BHLHA15: variants seen among roughly 807,000 people sequenced by gnomAD.
BHLHA15 encodes the protein class A basic helix-loop-helix protein 15.
Under a neutral mutation model 10.4 loss-of-function variants are expected in BHLHA15, and 7 were observed. That is an observed-to-expected ratio of 0.67 (90% CI 0.38 to 1.26). The LOEUF is 1.26. Among genes scored for constraint, BHLHA15 ranks in the 50% most tolerant of loss-of-function variants. The pLI is 0.02. For synonymous variants in BHLHA15, 140 were observed against 131.5 expected, an observed-to-expected ratio of 1.06 and a Z score of -0.44; for missense variants, 289 against 287.4, an observed-to-expected ratio of 1.01 and a Z score of -0.04.
intron 1 of BHLHA15, 46 bp downstream of exon 1, chr7:98,211,544 C>T (rs1797904908): frequency 6.6e-6 from 1 of 150,762 alleles, no homozygotes; most frequent in South Asian, 2.1e-4. Context: ...GGGAGGGGAC[C>T]CAGGGGCAGG....
At chr7:98,211,872 G>C (rs1021763184) in intron 1 of BHLHA15, among the ~76,000 whole-genome samples, 2 of 152,144 alleles carry the variant, frequency 1.3e-5, no homozygotes, top group South Asian at 2.1e-4. Context: ...TGCCGCCTCC[G>C]GCAGAGGCGC....
At position 98,214,860 on chromosome 7, in the gene BHLHA15, A is replaced by T. The variant is rs1267812300; in HGVS notation, c.*1981A>T. On this transcript the variant is annotated 3_prime_UTR_variant, in exon 2 of 2. Transcript: ENST00000609256. ...CACCTGCACCTCCTCTGCTTCCTAG[A>T]GGGTGACCTGGGCCGAGCCGCCCAG... 1 of 152,366 alleles carries T rather than the reference A, an allele frequency of 6.6e-6. No individual in the cohort carries two copies. Among genetic ancestry groups the T allele is most frequent in the East Asian group, 1.9e-4 (1 of 5,180 alleles). 9.4% of individuals were successfully genotyped at this position (152,366 alleles called of 1,614,324 possible). A position where few individuals can be genotyped will look rare whatever the true frequency, so the allele number is the denominator to read the frequency against.
In BHLHA15 at chr7:98,214,275, T is replaced by C. The variant is rs77508059; in HGVS notation, c.*1396T>C. On this transcript the variant is annotated 3_prime_UTR_variant, in exon 2 of 2. Coordinates refer to ENST00000609256, the MANE Select transcript of BHLHA15 (RefSeq NM_177455.4). Reference sequence around the variant, plus strand: ...GCATTGGCAGCTTCAGGCCTAACTTTCCTGGTCAGGGCCCCTTAAGGTGGC... The same window carrying C: ...GCATTGGCAGCTTCAGGCCTAACTTCCCTGGTCAGGGCCCCTTAAGGTGGC... Among the ~76,000 whole-genome samples, 2 of 152,360 alleles carry C rather than the reference T, an allele frequency of 1.3e-5. No individual in the cohort carries two copies. The highest frequency in any genetic ancestry group is 3.9e-4 in the East Asian group (2 of 5,182).
Position 98,212,835 on chromosome 7 carries a change from C to T in BHLHA15, c.526C>T (p.Gln176Ter). 6.4e-7 allele frequency: 1 copy of T among 1,551,356 alleles called. No homozygotes were observed. The highest frequency in any genetic ancestry group is 8.7e-7 in the Non-Finnish European group (1 of 1,151,556). The change falls in exon 2 of 2, where the codon CAG (glutamine) becomes TAG (stop). Residue 176 changes from glutamine (Q) to a stop codon, truncating the protein, a stop_gained. Coordinates refer to ENST00000609256, the MANE Select transcript of BHLHA15 (RefSeq NM_177455.4). LOFTEE classifies it high-confidence loss of function. ...ATEAQPQGHL[Q>*]RYSTQIHSFR... is the part of the protein sequence containing the mutation. ...GGAGGCCCAGCCCCAGGGCCACCTGCAGAGGTACTCCACGCAGATCCACAG... is the reference window on the plus strand; with the variant it reads ...GGAGGCCCAGCCCCAGGGCCACCTGTAGAGGTACTCCACGCAGATCCACAG...
At position 98,212,366 on chromosome 7, in the gene BHLHA15, C is replaced by T; in HGVS notation, c.57C>T (p.Ala19=). The change falls in exon 2 of 2, where the codon GCC becomes GCT. Residue 19 remains alanine, a synonymous_variant. Transcript: ENST00000609256. ...GGGCCCCGGTGCAGGACACAGAGGC[C>T]ACCCCCGGGGAGGGGACGCCCGACG... ...RRRAPVQDTE[A]TPGEGTPDGS... 1 of 1,425,990 alleles carries T rather than the reference C, an allele frequency of 7.0e-7. No individual in the cohort carries two copies. The highest frequency in any genetic ancestry group is 9.2e-7 in the Non-Finnish European group (1 of 1,091,758). The allele number at this position is 1,425,990 out of a possible 1,614,324, so 88.3% of individuals were successfully genotyped here.
At chr7:98,212,226 C>T (rs1159819340) in intron 1 of BHLHA15, 30 bp from the exon 2 acceptor site, 4 of 1,251,160 alleles carry the variant, frequency 3.2e-6, no homozygotes, top group South Asian at 2.7e-5. Context: ...TGTGGGGTGA[C>T]CACAGAGTGT....
At position 98,213,479 on chromosome 7, in the gene BHLHA15, T is replaced by C. The variant is rs10230846; in HGVS notation, c.*600T>C. On this transcript the variant is annotated 3_prime_UTR_variant, in exon 2 of 2. Transcript: ENST00000609256. Reference sequence around the variant, plus strand: ...ATGACCTCCAATTCATCCTTAAAAGTTGAATGGTGGGGAGGGGCTGGAGTC... The same window carrying C: ...ATGACCTCCAATTCATCCTTAAAAGCTGAATGGTGGGGAGGGGCTGGAGTC... Among the ~76,000 whole-genome samples, 21,029 of 152,124 alleles carry C rather than the reference T, an allele frequency of 0.14. 1,933 individuals are homozygous for C. The highest frequency in any genetic ancestry group is 0.26 in the African/African-American group (10,678 of 41,482).
chr7:98,214,790 T>C lies in BHLHA15; in HGVS notation c.*1911T>C, dbSNP rs572481575. 6.6e-6 allele frequency: 1 copy of C among 152,476 alleles called. No homozygotes were observed. Among genetic ancestry groups the C allele is most frequent in the South Asian group, 2.1e-4 (1 of 4,822 alleles). 9.4% of individuals were successfully genotyped at this position (152,476 alleles called of 1,614,324 possible). A position where few individuals can be genotyped will look rare whatever the true frequency, so the allele number is the denominator to read the frequency against. On this transcript the variant is annotated 3_prime_UTR_variant, in exon 2 of 2. Coordinates refer to ENST00000609256, the MANE Select transcript of BHLHA15 (RefSeq NM_177455.4). ...CAGGAGTGCCTGGGGGTCACCGCCT[T>C]CAGGACAATGGCCTCAGTGGCTCTT... is the stretch of plus-strand genomic sequence containing the variant.
At chr7:98,212,161 G>A (rs989510650) in intron 1 of BHLHA15, 95 bp from the exon 2 acceptor site, 7 of 660,838 alleles carry the variant, frequency 1.1e-5, no homozygotes, top group Non-Finnish European at 1.4e-5. Context: ...TGGTACCATT[G>A]CTGTCAGCAA....
In BHLHA15 at chr7:98,212,326, G is replaced by A. The variant is rs751480394; in HGVS notation, c.17G>A (p.Arg6Gln). ...TCCAGGGCCATGAAGACCAAGAACC[G>A]GCCCCCACGGCGCCGGGCCCCGGTG... MKTKN[R>Q]PPRRRAPVQD... is the part of the protein sequence containing the mutation. Residue 6 changes from arginine (R) to glutamine (Q), a missense_variant, in exon 2 of 2, where the codon CGG becomes CAG. Arg to Gln is a conservative substitution (Grantham distance 43, BLOSUM62 1). Coordinates refer to ENST00000609256, the MANE Select transcript of BHLHA15 (RefSeq NM_177455.4). The A allele has an allele frequency of 2.4e-5, 33 of 1,371,512 alleles. No homozygotes were observed. The highest frequency in any genetic ancestry group is 9.1e-5 in the African/African-American group (6 of 65,784). 85.0% of individuals were successfully genotyped at this position (1,371,512 alleles called of 1,614,324 possible). A position where few individuals can be genotyped will look rare whatever the true frequency, so the allele number is the denominator to read the frequency against.
chr7:98,212,402 G>T lies in BHLHA15; in HGVS notation c.93G>T (p.Pro31=). The T allele has an allele frequency of 6.7e-7, 1 of 1,482,740 alleles. No homozygotes were observed. The highest frequency in any genetic ancestry group is 8.9e-7 in the Non-Finnish European group (1 of 1,117,868). 91.8% of individuals were successfully genotyped at this position (1,482,740 alleles called of 1,614,324 possible). Residue 31 remains proline (P), a synonymous_variant, in exon 2 of 2, where the codon CCG becomes CCT. Transcript: ENST00000609256. ...AGGGGACGCCCGACGGGTCCCTGCC[G>T]AACCCGGGGCCAGAGCCGGCCAAGG... ...PGEGTPDGSL[P]NPGPEPAKGL... is the part of the protein sequence containing the mutation.
chr7:98,212,355 G>T lies in BHLHA15; in HGVS notation c.46G>T (p.Asp16Tyr). The change falls in exon 2 of 2, where the codon GAC becomes TAC. Residue 16 changes from aspartate (D) to tyrosine (Y), a missense_variant. Transcript: ENST00000609256. ...RPPRRRAPVQ[D>Y]TEATPGEGTP... Reference sequence around the variant, plus strand: ...CCCACGGCGCCGGGCCCCGGTGCAGGACACAGAGGCCACCCCCGGGGAGGG... The same window carrying T: ...CCCACGGCGCCGGGCCCCGGTGCAGTACACAGAGGCCACCCCCGGGGAGGG... The T allele has an allele frequency of 2.8e-6, 4 of 1,414,740 alleles. No homozygotes were observed. The highest frequency in any genetic ancestry group is 3.7e-6 in the Non-Finnish European group (4 of 1,086,248). The allele number at this position is 1,414,740 out of a possible 1,614,324, so 87.6% of individuals were successfully genotyped here. A position where few individuals can be genotyped will look rare whatever the true frequency, so the allele number is the denominator to read the frequency against.
Position 98,213,267 on chromosome 7 carries a change from G to A in BHLHA15, c.*388G>A, listed in dbSNP as rs1797936720. ...GATCCCAGGAAAAGGTTTACCTGCA[G>A]GTTTTCCAAGGCCAAAGCCCCAGCA... On this transcript the variant is annotated 3_prime_UTR_variant, in exon 2 of 2. Coordinates refer to ENST00000609256, the MANE Select transcript of BHLHA15 (RefSeq NM_177455.4). Among the ~76,000 whole-genome samples, 2 of 152,316 alleles carry A rather than the reference G, an allele frequency of 1.3e-5. No individual in the cohort carries two copies. Among genetic ancestry groups the A allele is most frequent in the South Asian group, 4.2e-4 (2 of 4,818 alleles).
Position 98,212,301 on chromosome 7 carries a change from T to A in BHLHA15, c.-9T>A. 1 of 1,354,426 alleles carries A rather than the reference T, an allele frequency of 7.4e-7. No homozygotes were observed. The highest frequency in any genetic ancestry group is 9.5e-7 in the Non-Finnish European group (1 of 1,051,638). 83.9% of individuals were successfully genotyped at this position (1,354,426 alleles called of 1,614,324 possible). A position where few individuals can be genotyped will look rare whatever the true frequency, so the allele number is the denominator to read the frequency against. ...TGCCGCCACCTCCTAGGACAGCCAG[T>A]CCAGGGCCATGAAGACCAAGAACCG... On this transcript the variant is annotated 5_prime_UTR_variant, in exon 2 of 2. Coordinates refer to ENST00000609256, the MANE Select transcript of BHLHA15 (RefSeq NM_177455.4).
chr7:98,212,315 G>A lies in BHLHA15; in HGVS notation c.6G>A (p.Lys2=), dbSNP rs1259850542. ...AGGACAGCCAGTCCAGGGCCATGAAGACCAAGAACCGGCCCCCACGGCGCC... is the reference window on the plus strand; with the variant it reads ...AGGACAGCCAGTCCAGGGCCATGAAAACCAAGAACCGGCCCCCACGGCGCC... M[K]TKNRPPRRRA... The change falls in exon 2 of 2, where the codon AAG becomes AAA. Residue 2 remains lysine (K), a synonymous_variant. Coordinates refer to ENST00000609256, the MANE Select transcript of BHLHA15 (RefSeq NM_177455.4). 4 of 1,365,116 alleles carry A rather than the reference G, an allele frequency of 2.9e-6. No homozygotes were observed. In the African/African-American group the frequency reaches 6.1e-5, roughly 21 times the overall value. The allele number at this position is 1,365,116 out of a possible 1,614,324, so 84.6% of individuals were successfully genotyped here.
In BHLHA15 at chr7:98,212,453, C is replaced by G. The variant is rs573127751; in HGVS notation, c.144C>G (p.Ala48=). The G allele has an allele frequency of 1.3e-6, 2 of 1,536,598 alleles. No individual in the cohort carries two copies. Among genetic ancestry groups the G allele is most frequent in the Non-Finnish European group, 1.8e-6 (2 of 1,141,352 alleles). ...GTCTGCGGAGCCGGCCGGCCCGGGC[C>G]GCAGCAAGGGCTCCGGGCGAGGGCA... The part of the protein sequence containing the change: ...AKGLRSRPAR[A]AARAPGEGRR... The change falls in exon 2 of 2, where the codon GCC becomes GCG. Residue 48 remains alanine, a synonymous_variant. Transcript: ENST00000609256.
rs773166629 is a variant in BHLHA15 at position 98,212,401 on chromosome 7, C to G, written c.92C>G (p.Pro31Arg). The G allele has an allele frequency of 5.4e-6, 8 of 1,481,906 alleles. No homozygotes were observed. Among genetic ancestry groups the G allele is most frequent in the East Asian group, 5.6e-5 (2 of 35,666 alleles). The allele number at this position is 1,481,906 out of a possible 1,614,324, so 91.8% of individuals were successfully genotyped here. ...GAGGGGACGCCCGACGGGTCCCTGC[C>G]GAACCCGGGGCCAGAGCCGGCCAAG... ...PGEGTPDGSL[P>R]NPGPEPAKGL... The change falls in exon 2 of 2, where the codon CCG (proline) becomes CGG (arginine). Residue 31 changes from proline to arginine, a missense_variant. Transcript: ENST00000609256.
rs770734866 is a variant in BHLHA15, at chr7:98,212,419, C to T, written c.110C>T (p.Pro37Leu). 9.4e-6 allele frequency: 14 copies of T among 1,491,546 alleles called. No individual in the cohort carries two copies. In the East Asian group the frequency reaches 1.1e-4, roughly 12 times the overall value. 92.4% of individuals were successfully genotyped at this position (1,491,546 alleles called of 1,614,324 possible). ...DGSLPNPGPE[P>L]AKGLRSRPAR... Reference sequence around the variant, plus strand: ...TCCCTGCCGAACCCGGGGCCAGAGCCGGCCAAGGGTCTGCGGAGCCGGCCG... The same window carrying T: ...TCCCTGCCGAACCCGGGGCCAGAGCTGGCCAAGGGTCTGCGGAGCCGGCCG... Residue 37 changes from proline to leucine, a missense_variant, in exon 2 of 2, where the codon CCG becomes CTG. By Grantham distance (98) the Pro-to-Leu change is moderately conservative (BLOSUM62 -3). Coordinates refer to ENST00000609256, the MANE Select transcript of BHLHA15 (RefSeq NM_177455.4).
chr7:98,215,364 A>AT lies in BHLHA15; in HGVS notation c.*2491dup, dbSNP rs1348204714. ...TCTCAAATGACCCAAATTGGCTCTT[A>AT]TTTTTTCTAATGGCCCTTTCAAAGT... On this transcript the variant is annotated 3_prime_UTR_variant, in exon 2 of 2. Transcript: ENST00000609256. The AT allele has an allele frequency of 1.3e-5, 2 of 152,180 alleles. No individual in the cohort carries two copies. The highest frequency in any genetic ancestry group is 2.1e-4 in the South Asian group (1 of 4,826). The allele number at this position is 152,180 out of a possible 1,614,324, so 9.4% of individuals were successfully genotyped here.
Sources: allele counts gnomAD v4.1 joint callset (sites outside exome capture counted in the v4.1 genomes callset), GRCh38; gene constraint gnomAD v4.1.1; transcripts MANE v1.5; gene names NCBI Gene and HGNC (gene_info 2026-07-23, HGNC 2026-07-21).